Variants in GDF9 observed in about 807,000 individuals in gnomAD.
GDF9 encodes growth differentiation factor 9, also known as growth/differentiation factor 9.
In GDF9, 30 loss-of-function variants were observed where a neutral mutation model predicts 33.8. The observed-to-expected ratio is 0.89, with a 90% CI of 0.66 to 1.20. GDF9 has a LOEUF of 1.20. GDF9 is among the 50% of genes most tolerant of loss of function. GDF9 has a pLI of 0.00. For missense variants in GDF9, 556 were observed against 543.7 expected, an observed-to-expected ratio of 1.02 and a Z score of -0.22; for synonymous variants, 205 against 200.7, an observed-to-expected ratio of 1.02 and a Z score of -0.18.
rs1325890457 is a variant in GDF9 at position 132,865,962 on chromosome 5, A to T, written c.-1429T>A. ...CTGGGGAGGACGCTGGCTGCTGTCG[A>T]GGCGGCCTCAGCATTCATCAATTGA... On this transcript the variant is annotated 5_prime_UTR_variant, in exon 1 of 2. Transcript: ENST00000687138. Among the ~76,000 whole-genome samples, 1 of 152,194 alleles carries T rather than the reference A, an allele frequency of 6.6e-6. No individual in the cohort carries two copies. Among genetic ancestry groups the T allele is most frequent in the East Asian group, 1.9e-4 (1 of 5,190 alleles).
rs1759434465 is a variant in GDF9 at position 132,864,057 on chromosome 5, C to T, written c.397+80G>A. ...ATAAAATACAATTCAAGGAACTAGG[C>T]TCAGCTCCTTTCTGTAATTGAAATG... On this transcript the variant is annotated intron_variant, in intron 1 of 1. Transcript: ENST00000687138. 3 of 1,415,548 alleles carry T rather than the reference C, an allele frequency of 2.1e-6. No individual in the cohort carries two copies. The South Asian group carries it at 3.5e-5, about 16-fold the overall frequency. The allele number at this position is 1,415,548 out of a possible 1,614,324, so 87.7% of individuals were successfully genotyped here.
chr5:132,865,869 C>T lies in GDF9; in HGVS notation c.-1336G>A, dbSNP rs746620789. Among the ~76,000 whole-genome samples, 10 of 152,188 alleles carry T rather than the reference C, an allele frequency of 6.6e-5. No homozygotes were observed. Among genetic ancestry groups the T allele is most frequent in the Non-Finnish European group, 1.3e-4 (9 of 68,034 alleles). On this transcript the variant is annotated 5_prime_UTR_variant, in exon 1 of 2. Coordinates refer to ENST00000687138, the MANE Select transcript of GDF9 (RefSeq NM_005260.7). ...ATAATAAGGCCTCTCACCCGACTTT[C>T]CTTGCTTCTCACGTGGGGAGAAGAA... is the stretch of plus-strand genomic sequence containing the variant.
At chr5:132,866,569 A>T (rs60321536), upstream of GDF9, 3 of 451,734 alleles carry the variant, frequency 6.6e-6, no homozygotes, top group East Asian at 4.5e-5. Context: ...CCTTAGAGAC[A>T]GTAGGAAAAT....
In GDF9 at chr5:132,861,419, T is replaced by C. The variant is rs1759216378; in HGVS notation, c.*170A>G. Reference sequence around the variant, plus strand: ...GGCTCTGTAGCAACAATTGATGTTATCCCTTTATCCTGATAGATGCCATAG... The same window carrying C: ...GGCTCTGTAGCAACAATTGATGTTACCCCTTTATCCTGATAGATGCCATAG... On this transcript the variant is annotated 3_prime_UTR_variant, in exon 2 of 2. Transcript: ENST00000687138. The C allele has an allele frequency of 3.1e-6, 2 of 641,756 alleles. No individual in the cohort carries two copies. Among genetic ancestry groups the C allele is most frequent in the East Asian group, 2.6e-5 (1 of 38,636 alleles). 39.8% of individuals were successfully genotyped at this position (641,756 alleles called of 1,614,324 possible). A position where few individuals can be genotyped will look rare whatever the true frequency, so the allele number is the denominator to read the frequency against.
At chr5:132,866,548 A>C (rs1457782150), upstream of GDF9, 2 of 366,354 alleles carry the variant, frequency 5.5e-6, no homozygotes, top group Admixed American at 8.7e-5. Context: ...TTCTGGGACA[A>C]AGGCGTCATC....
At position 132,862,007 on chromosome 5, in the gene GDF9, C is replaced by A. The variant is rs773848989; in HGVS notation, c.947G>T (p.Arg316Leu). The A allele has an allele frequency of 1.9e-6, 3 of 1,613,730 alleles. No homozygotes were observed. Among genetic ancestry groups the A allele is most frequent in the Non-Finnish European group, 2.5e-6 (3 of 1,179,738 alleles). Residue 316 changes from arginine (R) to leucine (L), a missense_variant, in exon 2 of 2, where the codon CGT becomes CTT. Arg to Leu is a moderately radical substitution (Grantham distance 102). Coordinates refer to ENST00000687138, the MANE Select transcript of GDF9 (RefSeq NM_005260.7). Reference sequence around the variant, plus strand: ...GACAGTTTCCTGACCTCTGCGGTGACGGTGATGGGAAGATCTCCCATCCTC... The same window carrying A: ...GACAGTTTCCTGACCTCTGCGGTGAAGGTGATGGGAAGATCTCCCATCCTC... ...AAEDGRSSHH[R>L]HRRGQETVSS...
intron 1 of GDF9, among the ~76,000 whole-genome samples, chr5:132,863,591 C>T (rs566517023): frequency 1.3e-5 from 2 of 152,170 alleles, no homozygotes; most frequent in South Asian, 4.1e-4. Flanking sequence ...AGGTATGCAC[C>T]ACCACACCCA....
At position 132,861,883 on chromosome 5, in the gene GDF9, G is replaced by A; in HGVS notation, c.1071C>T (p.Asp357=). 6.2e-7 allele frequency: 1 copy of A among 1,613,818 alleles called. No individual in the cohort carries two copies. The highest frequency in any genetic ancestry group is 2.2e-5 in the East Asian group (1 of 44,892). Residue 357 remains aspartate, a synonymous_variant, in exon 2 of 2, where the codon GAC becomes GAT. Transcript: ENST00000687138. Reference sequence around the variant, plus strand: ...TCAGCTGACTAAAGCTAAGTCTAAAGTCATGGAGCTCACACTCATTTTGGG... The same window carrying A: ...TCAGCTGACTAAAGCTAAGTCTAAAATCATGGAGCTCACACTCATTTTGGG... The part of the protein sequence containing the change: ...LLPQNECELH[D]FRLSFSQLKW...
At chr5:132,863,996 A>G in intron 1 of GDF9, 141 bp downstream of exon 1, 1 of 883,164 alleles carries the variant, frequency 1.1e-6, no homozygotes. Flanking sequence ...CTCAAGTCCC[A>G]GATTTGTTTC....
chr5:132,863,942 T>C (rs1311553289), intron 1 of GDF9, among the ~76,000 whole-genome samples, 195 bp downstream of exon 1: 1 of 152,228 alleles, frequency 6.6e-6, no homozygotes, highest in Non-Finnish European at 1.5e-5. Flanking sequence ...TTCCATCATA[T>C]TAGCCCACCT....
At position 132,861,617 on chromosome 5, in the gene GDF9, A is replaced by G. The variant is rs749533371; in HGVS notation, c.1337T>C (p.Met446Thr). Residue 446 changes from methionine (M) to threonine (T), a missense_variant, in exon 2 of 2, where the codon ATG becomes ACG. By Grantham distance (81) the Met-to-Thr change is moderately conservative. Transcript: ENST00000687138. ...ACGACAGGTGCACTTTGTAGCTATC[A>G]TATCTTCGTACTCTTTATAGGCAAT... is the stretch of plus-strand genomic sequence containing the variant. ...GSIAYKEYED[M>T]IATKCTCR 4 of 1,613,244 alleles carry G rather than the reference A, an allele frequency of 2.5e-6. No individual in the cohort carries two copies. Among genetic ancestry groups the G allele is most frequent in the Non-Finnish European group, 3.4e-6 (4 of 1,179,246 alleles).
chr5:132,863,692 T>C (rs892799652), intron 1 of GDF9, among the ~76,000 whole-genome samples: 1 of 152,212 alleles, frequency 6.6e-6, no homozygotes, highest in Non-Finnish European at 1.5e-5. Flanking sequence ...AACTGTGGAC[T>C]GATACTTTGT....
At position 132,862,211 on chromosome 5, in the gene GDF9, G is replaced by T. The variant is rs753843694; in HGVS notation, c.743C>A (p.Ser248Ter). 5 of 1,613,900 alleles carry T rather than the reference G, an allele frequency of 3.1e-6. No individual in the cohort carries two copies. Among genetic ancestry groups the T allele is most frequent in the South Asian group, 2.2e-5 (2 of 91,074 alleles). ...TCMKDQLEHPSAQNGLFNMTL... is the reference protein window; with the variant it reads ...TCMKDQLEHP ...CATGTTAAACAAACCATTCTGTGCT[G>T]AAGGATGCTCCAGCTGGTCTTTCAT... The change falls in exon 2 of 2, where the codon TCA (serine) becomes TAA (stop). Residue 248 changes from serine (S) to a stop codon, truncating the protein, a stop_gained. Coordinates refer to ENST00000687138, the MANE Select transcript of GDF9 (RefSeq NM_005260.7). LOFTEE classifies it high-confidence loss of function.
In GDF9 at chr5:132,864,826, G is replaced by A. The variant is rs1759504492; in HGVS notation, c.-293C>T. ...AAAACCCGTTACTGTTACACTACCG[G>A]ACTAACTATGTAGCTGAAAGTCTAA... On this transcript the variant is annotated 5_prime_UTR_variant, in exon 1 of 2. Transcript: ENST00000687138. The A allele has an allele frequency of 5.0e-6, 2 of 401,860 alleles. No homozygotes were observed. Among genetic ancestry groups the A allele is most frequent in the Non-Finnish European group, 8.9e-6 (2 of 224,216 alleles). The allele number at this position is 401,860 out of a possible 1,614,324, so 24.9% of individuals were successfully genotyped here.
At position 132,862,461 on chromosome 5, in the gene GDF9, A is replaced by C. The variant is rs745394707; in HGVS notation, c.493T>G (p.Ser165Ala). The stretch of plus-strand genomic sequence containing the variant: ...TTGACAGCAGAGGAAAAAGAAACTG[A>C]GTTGTTGATATTGTACAGCAAGACT... ...KSVLLYNINN[S>A]VSFSSAVKCV... The change falls in exon 2 of 2, where the codon TCA (serine) becomes GCA (alanine). Residue 165 changes from serine (S) to alanine (A), a missense_variant. Ser to Ala is a moderately conservative substitution (Grantham distance 99). Coordinates refer to ENST00000687138, the MANE Select transcript of GDF9 (RefSeq NM_005260.7). 1.5e-5 allele frequency: 25 copies of C among 1,614,012 alleles called. No individual in the cohort carries two copies. The highest frequency in any genetic ancestry group is 2.1e-5 in the Non-Finnish European group (25 of 1,179,934).
chr5:132,864,085 G>C, intron 1 of GDF9, 52 bp downstream of exon 1: 1 of 1,559,214 alleles, frequency 6.4e-7, no homozygotes, highest in Non-Finnish European at 8.8e-7. Context: ...TTGAAATGCA[G>C]AAGTGTCTAT....
chr5:132,863,992 T>A (rs1759431362), intron 1 of GDF9, 145 bp downstream of exon 1: 1 of 850,296 alleles, frequency 1.2e-6, no homozygotes, highest in South Asian at 1.5e-5. Context: ...TAAGCTCAAG[T>A]CCCAGATTTG....
rs373477788 is a variant in GDF9 at position 132,861,833 on chromosome 5, G to A, written c.1121C>T (p.Pro374Leu). 123 of 1,613,884 alleles carry A rather than the reference G, an allele frequency of 7.6e-5. No homozygotes were observed. The highest frequency in any genetic ancestry group is 9.8e-5 in the Non-Finnish European group (116 of 1,179,888). ...ACAGTATCGAGGGTTGTACCTGTGC[G>A]GAGCCACAATCCAGTTGTCCCACTT... ...QLKWDNWIVA[P>L]HRYNPRYCKG... The change falls in exon 2 of 2, where the codon CCG becomes CTG. Residue 374 changes from proline to leucine, a missense_variant. Pro to Leu is a moderately conservative substitution (Grantham distance 98). Coordinates refer to ENST00000687138, the MANE Select transcript of GDF9 (RefSeq NM_005260.7).
chr5:132,863,463 CAG>C (rs1441599259), intron 1 of GDF9, among the ~76,000 whole-genome samples: 1 of 139,580 alleles, frequency 7.2e-6, no homozygotes, highest in Non-Finnish European at 1.5e-5. Context: ...TTTTTTGAGA[CAG>C]AGTCTCGCTC....
Sources: allele counts gnomAD v4.1 joint callset (sites outside exome capture counted in the v4.1 genomes callset), GRCh38; gene constraint gnomAD v4.1.1; transcripts MANE v1.5; gene names NCBI Gene and HGNC (gene_info 2026-07-23, HGNC 2026-07-21).